CNGA2: variants seen among roughly 807,000 people sequenced by gnomAD.
CNGA2 encodes cyclic nucleotide gated channel subunit alpha 2, also known as cyclic nucleotide-gated channel alpha-2.
A neutral mutation model predicts 35.9 loss-of-function variants in CNGA2; 22 were observed. That is an observed-to-expected ratio of 0.61 (90% confidence interval 0.44 to 0.88). CNGA2 has a LOEUF of 0.88. Among genes scored for constraint, CNGA2 ranks in the 40% least tolerant of loss-of-function variants. The pLI is 0.00. For synonymous variants in CNGA2, 217 were observed against 209.2 expected, an observed-to-expected ratio of 1.04 and a Z score of -0.32; for missense variants, 555 against 530.8, an observed-to-expected ratio of 1.05 and a Z score of -0.45.
rs1402358020 is a variant in CNGA2, at chrX:151,744,033, T to C, written c.1530T>C (p.Tyr510=). Reference sequence around the variant, plus strand: ...TGGCTGATGATGGTGTGACTCAGTATGCTCTGCTGTCGGCTGGAAGCTGCT... The same window carrying C: ...TGGCTGATGATGGTGTGACTCAGTACGCTCTGCTGTCGGCTGGAAGCTGCT... ...AVVADDGVTQ[Y]ALLSAGSCFG... is the part of the protein sequence containing the mutation. Residue 510 remains tyrosine, a synonymous_variant, in exon 7 of 7, where the codon TAT becomes TAC. Transcript: ENST00000329903. 8.3e-7 allele frequency: 1 copy of C among 1,211,594 alleles called. No homozygotes were observed. Among genetic ancestry groups the C allele is most frequent in the Non-Finnish European group, 1.1e-6 (1 of 895,497 alleles).
In CNGA2 at chrX:151,745,180, TC is replaced by T. The variant is rs774928171; in HGVS notation, c.*683del. 1 of 112,094 alleles carries T rather than the reference TC, an allele frequency of 8.9e-6. No individual in the cohort carries two copies. Among genetic ancestry groups the T allele is most frequent in the African/African-American group, 3.2e-5 (1 of 30,864 alleles). 9.2% of individuals were successfully genotyped at this position (112,094 alleles called of 1,213,427 possible). ...CCTGGAGACAGAGGTAGCTGGCAGC[TC>T]TGGCCATCCCTCCCCTATGAAGAGC... On this transcript the variant is annotated 3_prime_UTR_variant, in exon 7 of 7. Transcript: ENST00000329903.
In CNGA2 at chrX:151,740,898, C is replaced by G. The variant is rs143040813; in HGVS notation, c.479C>G (p.Ala160Gly). The G allele has an allele frequency of 2.2e-5, 26 of 1,204,180 alleles. No individual in the cohort carries two copies. In the African/African-American group the frequency reaches 3.7e-4, roughly 17 times the overall value. ...PVLYNWCLLV[A>G]RACFSDLQKG... ...CTTTACAACTGGTGCCTGCTGGTGG[C>G]CAGGTGAGCAGGGTGGGGCCCAGGA... Residue 160 changes from alanine to glycine, a missense_variant, in exon 5 of 7, where the codon GCC (alanine) becomes GGC (glycine). Transcript: ENST00000329903.
At chrX:151,740,446 T>C (rs919235666) in intron 4 of CNGA2, among the ~76,000 whole-genome samples, 16 of 112,489 alleles carry the variant, frequency 1.4e-4, no homozygotes, top group Non-Finnish European at 3.0e-4. Flanking sequence ...GCCCCAATTA[T>C]CATCCTGTGG....
At position 151,739,529 on chromosome X, in the gene CNGA2, C is replaced by T. The variant is rs370666307; in HGVS notation, c.204-33C>T. On this transcript the variant is annotated intron_variant, in intron 3 of 6. Transcript: ENST00000329903. ...GCTTTCTGAACAGCATGAGTCTTGG[C>T]TCTGGCTCATACTCTTTTTCTCTCA... The T allele has an allele frequency of 2.6e-4, 314 of 1,191,212 alleles. 1 individual carries two copies. Among genetic ancestry groups the T allele is most frequent in the Non-Finnish European group, 1.7e-4 (151 of 882,418 alleles).
chrX:151,740,757 C>T, intron 4 of CNGA2, 37 bp from the exon 5 acceptor site: 2 of 1,089,520 alleles, frequency 1.8e-6, no homozygotes, highest in South Asian at 1.9e-5. Context: ...CACTGGGGGA[C>T]CTGATCCCCA....
chrX:151,736,640 C>T (rs1351697738), intron 1 of CNGA2, among the ~76,000 whole-genome samples: 1 of 110,736 alleles, frequency 9.0e-6, no homozygotes, highest in African/African-American at 3.3e-5. Context: ...TGCCTTGTTT[C>T]CAGCAAGCAG....
chrX:151,743,339 T>C lies in CNGA2; in HGVS notation c.836T>C (p.Val279Ala). 1 of 1,209,430 alleles carries C rather than the reference T, an allele frequency of 8.3e-7. No individual in the cohort carries two copies. Residue 279 changes from valine to alanine, a missense_variant, in exon 7 of 7, where the codon GTC becomes GCC. Physicochemically the swap from Val to Ala is moderately conservative, Grantham distance 64. Transcript: ENST00000329903. The part of the protein sequence containing the change: ...YPNIFRISNL[V>A]LYILVIIHWN... ...AACATCTTCCGCATCAGCAACCTTG[T>C]CCTCTACATCTTGGTCATCATCCAC...
In CNGA2 at chrX:151,743,896, G is replaced by C. The variant is rs147417217; in HGVS notation, c.1393G>C (p.Glu465Gln). The C allele has an allele frequency of 2.9e-5, 35 of 1,211,482 alleles. No individual in the cohort carries two copies. Among genetic ancestry groups the C allele is most frequent in the Middle Eastern group, 4.6e-4 (2 of 4,355 alleles). Residue 465 changes from glutamate to glutamine, a missense_variant, in exon 7 of 7, where the codon GAG becomes CAG. Physicochemically the swap from Glu to Gln is conservative, Grantham distance 29 (BLOSUM62 2). Coordinates refer to ENST00000329903, the MANE Select transcript of CNGA2 (RefSeq NM_005140.3). ...TGATTGTGAGGCTGGCCTGCTGGTA[G>C]AGCTGGTACTGAAACTCCGTCCTCA... is the stretch of plus-strand genomic sequence containing the variant. ...FHDCEAGLLV[E>Q]LVLKLRPQVF...
chrX:151,740,124 A>C (rs733871), intron 4 of CNGA2, among the ~76,000 whole-genome samples: 31,072 of 111,086 alleles, frequency 0.28, 5,124 homozygotes, highest in African/African-American at 0.63. Flanking sequence ...ATGTAGAGGG[A>C]TGGAGGAGAA....
rs906064166 is a variant in CNGA2, at chrX:151,738,347, G to A, written c.-26-111G>A. Reference sequence around the variant, plus strand: ...CCACAGCAGTGCCTGAGGGTGCTGAGGTTGGCCAGGTGGGCCTGGGTTCTA... The same window carrying A: ...CCACAGCAGTGCCTGAGGGTGCTGAAGTTGGCCAGGTGGGCCTGGGTTCTA... On this transcript the variant is annotated intron_variant, in intron 1 of 6. Coordinates refer to ENST00000329903, the MANE Select transcript of CNGA2 (RefSeq NM_005140.3). 269 of 512,583 alleles carry A rather than the reference G, an allele frequency of 5.2e-4. No individual in the cohort carries two copies. In the East Asian group the frequency reaches 8.5e-3, roughly 16 times the overall value. The allele number at this position is 512,583 out of a possible 1,213,427, so 42.2% of individuals were successfully genotyped here.
rs1239621803 is a variant in CNGA2 at position 151,744,220 on chromosome X, A to G, written c.1717A>G (p.Arg573Gly). 1 of 1,210,315 alleles carries G rather than the reference A, an allele frequency of 8.3e-7. No individual in the cohort carries two copies. The highest frequency in any genetic ancestry group is 1.1e-6 in the Non-Finnish European group (1 of 895,246). ...TGATGCCAAGAAAGTCCTAGAAGAG[A>G]GGGGTCGGGAGATCCTCATGAAGGA... ...YPDAKKVLEE[R>G]GREILMKEGL... Residue 573 changes from arginine (R) to glycine (G), a missense_variant, in exon 7 of 7, where the codon AGG becomes GGG. Arg to Gly is a moderately radical substitution (Grantham distance 125). Transcript: ENST00000329903.
rs770320943 is a variant in CNGA2 at position 151,734,756 on chromosome X, A to G, written c.-214A>G. ...GAGGAGAACGAAGGGAGTAGACTCT[A>G]TTATTTCAAGAAAGATGGCGTGGAT... is the stretch of plus-strand genomic sequence containing the variant. On this transcript the variant is annotated 5_prime_UTR_variant, in exon 1 of 7. Coordinates refer to ENST00000329903, the MANE Select transcript of CNGA2 (RefSeq NM_005140.3). Among the ~76,000 whole-genome samples, 1 of 111,865 alleles carries G rather than the reference A, an allele frequency of 8.9e-6. No individual in the cohort carries two copies. Among genetic ancestry groups the G allele is most frequent in the African/African-American group, 3.2e-5 (1 of 30,783 alleles).
chrX:151,738,356 G>C, intron 1 of CNGA2, 102 bp from the exon 2 acceptor site: 1 of 551,318 alleles, frequency 1.8e-6, no homozygotes. Flanking sequence ...AGGTTGGCCA[G>C]GTGGGCCTGG....
intron 5 of CNGA2, among the ~76,000 whole-genome samples, chrX:151,741,270 CCTT>C (rs968563756): frequency 2.7e-5 from 3 of 112,027 alleles, no homozygotes; most frequent in Non-Finnish European, 5.6e-5. Flanking sequence ...TCTTGCTACA[CCTT>C]CTGGATACAC....
chrX:151,743,904 A>G lies in CNGA2; in HGVS notation c.1401A>G (p.Val467=). 8.3e-7 allele frequency: 1 copy of G among 1,211,211 alleles called. No homozygotes were observed. Among genetic ancestry groups the G allele is most frequent in the Non-Finnish European group, 1.1e-6 (1 of 895,359 alleles). Residue 467 remains valine (V), a synonymous_variant, in exon 7 of 7, where the codon GTA becomes GTG. Transcript: ENST00000329903. Reference sequence around the variant, plus strand: ...AGGCTGGCCTGCTGGTAGAGCTGGTACTGAAACTCCGTCCTCAGGTCTTCA... The same window carrying G: ...AGGCTGGCCTGCTGGTAGAGCTGGTGCTGAAACTCCGTCCTCAGGTCTTCA... The part of the protein sequence containing the change: ...DCEAGLLVEL[V]LKLRPQVFSP...
intron 2 of CNGA2, 61 bp from the exon 3 acceptor site, chrX:151,738,726 C>T: frequency 9.1e-7 from 1 of 1,101,263 alleles, no homozygotes; most frequent in Non-Finnish European, 1.2e-6. Context: ...AAGCATGACC[C>T]AGGAGGGGAG....
At position 151,744,615 on chromosome X, in the gene CNGA2, A is replaced by C; in HGVS notation, c.*117A>C. 1 of 670,107 alleles carries C rather than the reference A, an allele frequency of 1.5e-6. No individual in the cohort carries two copies. Among genetic ancestry groups the C allele is most frequent in the Non-Finnish European group, 2.2e-6 (1 of 462,574 alleles). 55.2% of individuals were successfully genotyped at this position (670,107 alleles called of 1,213,427 possible). ...ACCCTCATGTTCCCTGAATTCTCCC[A>C]AAAGCCTCTCTGACCCTGGGTTTTT... On this transcript the variant is annotated 3_prime_UTR_variant, in exon 7 of 7. Coordinates refer to ENST00000329903, the MANE Select transcript of CNGA2 (RefSeq NM_005140.3).
rs1488940394 is a variant in CNGA2, at chrX:151,743,254, C to T, written c.751C>T (p.Leu251=). Reference sequence around the variant, plus strand: ...CCCTGAGGTGCGCTTCAACCGCCTGCTGCACTTTGCCCGCATGTTTGAGTT... The same window carrying T: ...CCCTGAGGTGCGCTTCAACCGCCTGTTGCACTTTGCCCGCATGTTTGAGTT... ...HSPEVRFNRL[L]HFARMFEFFD... is the part of the protein sequence containing the mutation. The change falls in exon 7 of 7, where the codon CTG becomes TTG. Residue 251 remains leucine, a synonymous_variant. Transcript: ENST00000329903. The T allele has an allele frequency of 8.3e-7, 1 of 1,203,193 alleles. No homozygotes were observed. The highest frequency in any genetic ancestry group is 1.1e-6 in the Non-Finnish European group (1 of 893,721).
chrX:151,735,399 G>A (rs756611936), intron 1 of CNGA2, among the ~76,000 whole-genome samples: 1 of 111,637 alleles, frequency 9.0e-6, no homozygotes, highest in South Asian at 3.9e-4. Flanking sequence ...AAACGTTCTG[G>A]CCTCCAAAGT....
Sources: allele counts gnomAD v4.1 joint callset (sites outside exome capture counted in the v4.1 genomes callset), GRCh38; gene constraint gnomAD v4.1.1; transcripts MANE v1.5; gene names NCBI Gene and HGNC (gene_info 2026-07-23, HGNC 2026-07-21).